Variants in KDM1B observed in about 807,000 individuals in gnomAD.
KDM1B encodes the protein lysine-specific histone demethylase 2.
KDM1B carries 63 observed loss-of-function variants against 107.4 expected under a neutral mutation model. The observed-to-expected ratio is 0.59, with a 90% CI of 0.48 to 0.72. The LOEUF (loss-of-function observed/expected upper bound fraction) is 0.72, where lower values mean the gene tolerates loss of function less well. Among genes scored for constraint, KDM1B ranks in the 30% least tolerant of loss-of-function variants. KDM1B has a pLI of 0.00. For missense variants in KDM1B, 749 were observed against 1,020.8 expected, an observed-to-expected ratio of 0.73 and a Z score of 3.63; for synonymous variants, 363 against 363.9, an observed-to-expected ratio of 1.00 and a Z score of 0.03.
intron 3 of KDM1B, among the ~76,000 whole-genome samples, chr6:18,160,787 C>G (rs1254070610): frequency 6.8e-6 from 1 of 146,778 alleles, no homozygotes; most frequent in Non-Finnish European, 1.5e-5. Context: ...AAAAACAAAT[C>G]TCAATTTGGG....
intron 17 of KDM1B, 37 bp downstream of exon 17, chr6:18,208,243 T>C: frequency 2.7e-6 from 4 of 1,482,658 alleles, no homozygotes; most frequent in Admixed American, 2.0e-5. Flanking sequence ...GGTAGAAACC[T>C]TTGCTGCCAG....
At chr6:18,170,043 C>A (rs990845773) in intron 6 of KDM1B, among the ~76,000 whole-genome samples, 1 of 151,562 alleles carries the variant, frequency 6.6e-6, no homozygotes, top group African/African-American at 2.4e-5. Context: ...TGAGTAGCTG[C>A]GATTACAGGC....
chr6:18,160,835 T>A lies in KDM1B; in HGVS notation c.88-492T>A, dbSNP rs1407850257. Among the ~76,000 whole-genome samples the A allele has an allele frequency of 3.3e-5, 5 of 151,102 alleles. No homozygotes were observed. In the East Asian group the frequency reaches 7.7e-4, roughly 23 times the overall value. On this transcript the variant is annotated intron_variant, in intron 3 of 21. Coordinates refer to ENST00000650836, the MANE Select transcript of KDM1B (RefSeq NM_001364614.2). ...TTTTTTTGACTCATGTCACTTTTTT[T>A]TTTTTTTTTTTTCCAGACAATCTCC...
chr6:18,187,209 C>T (rs535905093), intron 8 of KDM1B, among the ~76,000 whole-genome samples: 8 of 152,206 alleles, frequency 5.3e-5, no homozygotes, highest in South Asian at 2.1e-4. Context: ...AACAGTATCA[C>T]GTATTTGAAG....
At chr6:18,194,186 G>T (rs1191218423) in intron 10 of KDM1B, among the ~76,000 whole-genome samples, 1 of 151,770 alleles carries the variant, frequency 6.6e-6, no homozygotes, top group Non-Finnish European at 1.5e-5. Flanking sequence ...TAAATTTCTT[G>T]TATTTTTAGT....
rs902017320 is a variant in KDM1B at position 18,211,017 on chromosome 6, T to A, written c.1867-1471T>A. On this transcript the variant is annotated intron_variant, in intron 17 of 21. Transcript: ENST00000650836. The surrounding 1 kb of genome is among the most constrained non-coding windows in gnomAD (Gnocchi z 5.2). ...CCTGTCTCTTTAAAGGGGAAAAAAATCTAGATTTTATTTATTTTCTTGCAA... is the reference window on the plus strand; with the variant it reads ...CCTGTCTCTTTAAAGGGGAAAAAAAACTAGATTTTATTTATTTTCTTGCAA... Among the ~76,000 whole-genome samples the A allele has an allele frequency of 2.6e-5, 4 of 152,096 alleles. No individual in the cohort carries two copies. Among genetic ancestry groups the A allele is most frequent in the Non-Finnish European group, 5.9e-5 (4 of 68,000 alleles).
intron 17 of KDM1B, among the ~76,000 whole-genome samples, chr6:18,208,843 A>G (rs1467911942): frequency 6.9e-6 from 1 of 144,724 alleles, no homozygotes; most frequent in African/African-American, 2.5e-5. Context: ...TTTAGTAGAG[A>G]TGGGGTTTCA....
intron 21 of KDM1B, among the ~76,000 whole-genome samples, chr6:18,219,092 C>T (rs1029612517): frequency 2.0e-5 from 3 of 151,990 alleles, no homozygotes; most frequent in Non-Finnish European, 2.9e-5. Context: ...TTAGTAGAGA[C>T]GGGGTTTCAC....
intron 10 of KDM1B, among the ~76,000 whole-genome samples, chr6:18,193,933 A>G (rs1028584841): frequency 1.1e-4 from 17 of 151,428 alleles, no homozygotes; most frequent in African/African-American, 3.9e-4. Context: ...GAGTGCAATG[A>G]TGCGATCTCA....
At chr6:18,184,723 T>C (rs1280177245) in intron 7 of KDM1B, among the ~76,000 whole-genome samples, 6 of 146,650 alleles carry the variant, frequency 4.1e-5, no homozygotes, top group African/African-American at 1.5e-4. Flanking sequence ...TTGGGTTGTT[T>C]CTAGCTTTTT....
chr6:18,174,985 C>A (rs113110776), intron 7 of KDM1B, among the ~76,000 whole-genome samples: 259 of 152,266 alleles, frequency 1.7e-3, no homozygotes, highest in African/African-American at 6.1e-3. Context: ...ATAATGACTT[C>A]TTTTCCTCTG....
rs1310306444 is a variant in KDM1B at position 18,205,759 on chromosome 6, C to T, written c.1659+95C>T. ...CTGTAATCCCAGCACTTTGGGAGGCCGAGGTGGGCAGATCATGAGGTCAGG... is the reference window on the plus strand; with the variant it reads ...CTGTAATCCCAGCACTTTGGGAGGCTGAGGTGGGCAGATCATGAGGTCAGG... On this transcript the variant is annotated intron_variant, in intron 15 of 21. Coordinates refer to ENST00000650836, the MANE Select transcript of KDM1B (RefSeq NM_001364614.2). The surrounding 1 kb of genome is among the most constrained non-coding windows in gnomAD (Gnocchi z 5.7). The T allele has an allele frequency of 2.6e-5, 32 of 1,207,884 alleles. No homozygotes were observed. The highest frequency in any genetic ancestry group is 3.2e-5 in the African/African-American group (2 of 61,858). 74.8% of individuals were successfully genotyped at this position (1,207,884 alleles called of 1,614,324 possible). A position where few individuals can be genotyped will look rare whatever the true frequency, so the allele number is the denominator to read the frequency against.
At position 18,204,559 on chromosome 6, in the gene KDM1B, C is replaced by G. The variant is rs1324856440; in HGVS notation, c.1532-978C>G. On this transcript the variant is annotated intron_variant, in intron 14 of 21. Transcript: ENST00000650836. The surrounding 1 kb of genome is among the most constrained non-coding windows in gnomAD (Gnocchi z 4.9). ...TTTTGGATGGTTGTCATCACTGGAA[C>G]AGTTGTAAAGAAGTAACCTGTACTG... 2.6e-5 allele frequency among the ~76,000 whole-genome samples: 4 copies of G among 152,160 alleles called. No individual in the cohort carries two copies. Among genetic ancestry groups the G allele is most frequent in the Admixed American group, 2.0e-4 (3 of 15,274 alleles).
Position 18,172,620 on chromosome 6 carries a change from A to G in KDM1B, c.534+1141A>G, listed in dbSNP as rs979639870. Among the ~76,000 whole-genome samples the G allele has an allele frequency of 2.6e-5, 4 of 152,184 alleles. No individual in the cohort carries two copies. Among genetic ancestry groups the G allele is most frequent in the Non-Finnish European group, 5.9e-5 (4 of 68,048 alleles). On this transcript the variant is annotated intron_variant, in intron 7 of 21. Coordinates refer to ENST00000650836, the MANE Select transcript of KDM1B (RefSeq NM_001364614.2). The surrounding 1 kb of genome is among the most constrained non-coding windows in gnomAD (Gnocchi z 5.2). ...AACACTTCTGGTCCCAAGCATTTCA[A>G]ATAAGAGAAATTCAACCTGGGATTC...
chr6:18,202,120 A>G (rs990372269), intron 14 of KDM1B, among the ~76,000 whole-genome samples: 6 of 152,058 alleles, frequency 3.9e-5, no homozygotes, highest in South Asian at 2.1e-4. Flanking sequence ...ATTTTAACCC[A>G]TTAGGCACAG....
intron 6 of KDM1B, 33 bp from the exon 7 acceptor site, chr6:18,171,330 C>G: frequency 9.6e-7 from 1 of 1,043,236 alleles, no homozygotes; most frequent in African/African-American, 1.6e-5. Flanking sequence ...GATTAGCTCA[C>G]TTGTTCATCT....
At position 18,213,512 on chromosome 6, in the gene KDM1B, A is replaced by G; in HGVS notation, c.1984-144A>G. On this transcript the variant is annotated intron_variant, in intron 18 of 21. Coordinates refer to ENST00000650836, the MANE Select transcript of KDM1B (RefSeq NM_001364614.2). This position sits in a 1 kb window ranked among gnomAD's most constrained non-coding sequence, Gnocchi z 5.9. ...GTTCACAGGGGGAAAAAAGGAGGTGAGGAGAATGGAAAGAGCGGTATTTGG... is the reference window on the plus strand; with the variant it reads ...GTTCACAGGGGGAAAAAAGGAGGTGGGGAGAATGGAAAGAGCGGTATTTGG... The G allele has an allele frequency of 1.4e-6, 1 of 724,928 alleles. No individual in the cohort carries two copies. Among genetic ancestry groups the G allele is most frequent in the Non-Finnish European group, 2.4e-6 (1 of 425,246 alleles). The allele number at this position is 724,928 out of a possible 1,614,324, so 44.9% of individuals were successfully genotyped here. A position where few individuals can be genotyped will look rare whatever the true frequency, so the allele number is the denominator to read the frequency against.
In KDM1B at chr6:18,186,973, TACACACACACAC is replaced by T. The variant is rs141222425; in HGVS notation, c.574-803_574-792del. Among the ~76,000 whole-genome samples, 7 of 147,438 alleles carry T rather than the reference TACACACACACAC, an allele frequency of 4.7e-5. No individual in the cohort carries two copies. Among genetic ancestry groups the T allele is most frequent in the Admixed American group, 1.4e-4 (2 of 14,756 alleles). On this transcript the variant is annotated intron_variant, in intron 8 of 21. Coordinates refer to ENST00000650836, the MANE Select transcript of KDM1B (RefSeq NM_001364614.2). This position sits in a 1 kb window ranked among gnomAD's most constrained non-coding sequence, Gnocchi z 5.6. ...CAGTATGTATATATGTGTGTGTGTG[TACACACACACAC>T]ACACACACACACACATTTTTTTTCC...
In KDM1B at chr6:18,212,580, C is replaced by T. The variant is rs752151243; in HGVS notation, c.1959C>T (p.Ser653=). ...LSEKKMKAIN[S]LGAGIIEKIA... is the part of the protein sequence containing the mutation. ...AGAAGAAGATGAAGGCTATCAACAG[C>T]TTAGGCGCAGGCATCATTGAAAAGG... The change falls in exon 18 of 22, where the codon AGC becomes AGT. Residue 653 remains serine, a synonymous_variant. Coordinates refer to ENST00000650836, the MANE Select transcript of KDM1B (RefSeq NM_001364614.2). This position sits in a 1 kb window ranked among gnomAD's most constrained non-coding sequence, Gnocchi z 5.2. 3 of 1,613,396 alleles carry T rather than the reference C, an allele frequency of 1.9e-6. No homozygotes were observed. The highest frequency in any genetic ancestry group is 2.5e-6 in the Non-Finnish European group (3 of 1,179,304).
Sources: allele counts gnomAD v4.1 joint callset (sites outside exome capture counted in the v4.1 genomes callset), GRCh38; gene constraint gnomAD v4.1.1; non-coding constraint Gnocchi (gnomAD v3.1); transcripts MANE v1.5; gene names NCBI Gene and HGNC (gene_info 2026-07-23, HGNC 2026-07-21).